Variants in DHX34 observed in about 807,000 individuals in gnomAD.
The protein encoded by DHX34 is probable ATP-dependent RNA helicase DHX34.
Under a neutral mutation model 111.1 loss-of-function variants are expected in DHX34, and 96 were observed. The observed-to-expected ratio is 0.86, with a 90% confidence interval of 0.73 to 1.02. The LOEUF (loss-of-function observed/expected upper bound fraction) is 1.02. Ranked by LOEUF, DHX34 falls within the 50% of genes least tolerant of loss-of-function variation. DHX34 has a pLI of 0.00. For synonymous variants in DHX34, 688 were observed against 670.4 expected (o/e 1.03, Z -0.41); for missense variants, 1,560 against 1,579.9 (o/e 0.99, Z 0.21).
rs77588459 is a variant in DHX34, at chr19:47,377,845, G to A, written c.2706+639G>A. On this transcript the variant is annotated intron_variant, in intron 13 of 16. Coordinates refer to ENST00000328771, the MANE Select transcript of DHX34 (RefSeq NM_014681.6). ...TGCTGCCCCGGTGGAGGCTGAGGCCGAACTCAGATCATGGATGCCCTTGCA... is the reference window on the plus strand; with the variant it reads ...TGCTGCCCCGGTGGAGGCTGAGGCCAAACTCAGATCATGGATGCCCTTGCA... Among the ~76,000 whole-genome samples the A allele has an allele frequency of 2.0e-3, 309 of 152,120 alleles. 1 individual carries two copies. The highest frequency in any genetic ancestry group is 6.8e-3 in the African/African-American group (282 of 41,528).
rs1200140198 is a variant in DHX34 at position 47,359,958 on chromosome 19, T to C, written c.1273-10T>C. Reference sequence around the variant, plus strand: ...TTAGTTCCTGACACCACCCCCTCCCTTCCTCCCAGGTATTTGATGTGGCAC... The same window carrying C: ...TTAGTTCCTGACACCACCCCCTCCCCTCCTCCCAGGTATTTGATGTGGCAC... On this transcript the variant is annotated splice_polypyrimidine_tract_variant and intron_variant, in intron 4 of 16. Coordinates refer to ENST00000328771, the MANE Select transcript of DHX34 (RefSeq NM_014681.6). 2 of 1,613,802 alleles carry C rather than the reference T, an allele frequency of 1.2e-6. No homozygotes were observed. The highest frequency in any genetic ancestry group is 1.7e-5 in the Admixed American group (1 of 59,992).
At position 47,372,856 on chromosome 19, in the gene DHX34, G is replaced by A. The variant is rs371463294; in HGVS notation, c.1895G>A (p.Arg632Gln). 1.7e-5 allele frequency: 27 copies of A among 1,611,618 alleles called. No homozygotes were observed. The highest frequency in any genetic ancestry group is 1.6e-4 in the Middle Eastern group (1 of 6,078). Residue 632 changes from arginine to glutamine, a missense_variant, in exon 8 of 17, where the codon CGG becomes CAG. Arg to Gln is a conservative substitution (Grantham distance 43). Transcript: ENST00000328771. ...AQSSPECAAARRPLESDQGDP... is the reference protein window; with the variant it reads ...AQSSPECAAAQRPLESDQGDP... The stretch of plus-strand genomic sequence containing the variant: ...AGCAGCCCAGAGTGCGCGGCAGCAC[G>A]GCGGCCGCTGGAGAGCGACCAGGGT...
chr19:47,373,470 C>A, intron 8 of DHX34, 129 bp from the exon 9 acceptor site: 1 of 1,457,580 alleles, frequency 6.9e-7, no homozygotes, highest in South Asian at 1.4e-5. Flanking sequence ...GGCACTGGGG[C>A]TGAGACCTGG....
Position 47,382,191 on chromosome 19 carries a change from G to T in DHX34, c.*78G>T. ...AGGACTAGGGGCAGGACTCTTGCCT[G>T]AACCCCCAGCCTGGGCTTAGCCCTG... On this transcript the variant is annotated 3_prime_UTR_variant, in exon 17 of 17. Coordinates refer to ENST00000328771, the MANE Select transcript of DHX34 (RefSeq NM_014681.6). 6.4e-7 allele frequency: 1 copy of T among 1,567,754 alleles called. No individual in the cohort carries two copies. The highest frequency in any genetic ancestry group is 1.2e-5 in the South Asian group (1 of 85,726).
intron 6 of DHX34, among the ~76,000 whole-genome samples, chr19:47,364,482 C>T (rs1395513171): frequency 6.6e-6 from 1 of 152,028 alleles, no homozygotes; most frequent in Non-Finnish European, 1.5e-5. Context: ...TGACTCATGC[C>T]TGTTATCCCA....
In DHX34 at chr19:47,380,889, C is replaced by G; in HGVS notation, c.3056C>G (p.Ala1019Gly). The change falls in exon 15 of 17, where the codon GCC becomes GGC. Residue 1019 changes from alanine (A) to glycine (G), a missense_variant. Physicochemically the swap from Ala to Gly is moderately conservative, Grantham distance 60. Coordinates refer to ENST00000328771, the MANE Select transcript of DHX34 (RefSeq NM_014681.6). Reference sequence around the variant, plus strand: ...TATGTGGGACCCCAGACCATCCCAGCCACCCCCCATCTTCCTGGCCTCTTT... The same window carrying G: ...TATGTGGGACCCCAGACCATCCCAGGCACCCCCCATCTTCCTGGCCTCTTT... ...NMYVGPQTIP[A>G]TPHLPGLFGS... The G allele has an allele frequency of 6.2e-7, 1 of 1,613,840 alleles. No individual in the cohort carries two copies. The highest frequency in any genetic ancestry group is 8.5e-7 in the Non-Finnish European group (1 of 1,179,874).
At chr19:47,372,299 G>T (rs778967952) in intron 7 of DHX34, among the ~76,000 whole-genome samples, 2 of 152,002 alleles carry the variant, frequency 1.3e-5, no homozygotes, top group Non-Finnish European at 2.9e-5. Context: ...GAGCTAGAGG[G>T]ACTCACTTAC....
chr19:47,364,693 G>A (rs1413229811), intron 6 of DHX34, among the ~76,000 whole-genome samples: 1 of 152,090 alleles, frequency 6.6e-6, no homozygotes, highest in African/African-American at 2.4e-5. Context: ...AGCCTTGATT[G>A]CATCACTGCA....
intron 13 of DHX34, among the ~76,000 whole-genome samples, chr19:47,378,051 C>T (rs1194034815): frequency 2.6e-5 from 4 of 152,142 alleles, no homozygotes; most frequent in East Asian, 1.9e-4. Context: ...AGTCACACAC[C>T]GAGCAGGTGG....
In DHX34 at chr19:47,382,043, G is replaced by A. The variant is rs1401826351; in HGVS notation, c.3362G>A (p.Cys1121Tyr). 6.2e-7 allele frequency: 1 copy of A among 1,614,000 alleles called. No homozygotes were observed. Among genetic ancestry groups the A allele is most frequent in the Non-Finnish European group, 8.5e-7 (1 of 1,180,002 alleles). The change falls in exon 17 of 17, where the codon TGC (cysteine) becomes TAC (tyrosine). Residue 1121 changes from cysteine (C) to tyrosine (Y), a missense_variant. By Grantham distance (194) the Cys-to-Tyr change is radical. Transcript: ENST00000328771. ...KTSVLQRPYHCEACGKDFLFT... is the reference protein window; with the variant it reads ...KTSVLQRPYHYEACGKDFLFT... ...TCTGTCCTGCAGAGGCCCTACCACT[G>A]CGAGGCCTGCGGGAAGGACTTCCTC... is the stretch of plus-strand genomic sequence containing the variant.
At chr19:47,365,279 T>C (rs927276208) in intron 6 of DHX34, among the ~76,000 whole-genome samples, 1 of 151,726 alleles carries the variant, frequency 6.6e-6, no homozygotes, top group Non-Finnish European at 1.5e-5. Flanking sequence ...TGGGACAGAG[T>C]CTCACTCTGT....
intron 1 of DHX34, among the ~76,000 whole-genome samples, chr19:47,349,680 C>T (rs1230959408): frequency 6.6e-6 from 1 of 152,044 alleles, no homozygotes; most frequent in African/African-American, 2.4e-5. Flanking sequence ...CGATGGGTTC[C>T]AGCGAGAGTC....
In DHX34 at chr19:47,379,848, C is replaced by T. The variant is rs142172787; in HGVS notation, c.2845C>T (p.Arg949Cys). 3,056 of 1,613,772 alleles carry T rather than the reference C, an allele frequency of 1.9e-3. 6 individuals are homozygous for T. The highest frequency in any genetic ancestry group is 2.4e-3 in the Non-Finnish European group (2,798 of 1,179,850). Residue 949 changes from arginine (R) to cysteine (C), a missense_variant, in exon 14 of 17, where the codon CGC becomes TGC. Coordinates refer to ENST00000328771, the MANE Select transcript of DHX34 (RefSeq NM_014681.6). ...GGCGGCTTCCCTGCGGCTCCGTGCCCGCTGGGAAAGTGCCCTGGACCGGCA... is the reference window on the plus strand; with the variant it reads ...GGCGGCTTCCCTGCGGCTCCGTGCCTGCTGGGAAAGTGCCCTGGACCGGCA... ...LLAASLRLRA[R>C]WESALDRQLA...
intron 6 of DHX34, among the ~76,000 whole-genome samples, chr19:47,364,578 G>GA: frequency 6.6e-6 from 1 of 151,908 alleles, no homozygotes; most frequent in Non-Finnish European, 1.5e-5. Flanking sequence ...CCTGACTCTA[G>GA]AAAAAATTTA....
chr19:47,358,189 TTG>T (rs1394739572), intron 4 of DHX34, 69 bp downstream of exon 4: 1 of 1,544,848 alleles, frequency 6.5e-7, no homozygotes, highest in Non-Finnish European at 8.8e-7. Flanking sequence ...CGCACAGGAC[TTG>T]TGTAACTCCA....
chr19:47,369,566 CA>C (rs773781869), intron 7 of DHX34, among the ~76,000 whole-genome samples: 14 of 152,166 alleles, frequency 9.2e-5, no homozygotes, highest in Middle Eastern at 3.2e-3. Context: ...GGGAGATGGA[CA>C]GGGGCAGATA....
Position 47,353,508 on chromosome 19 carries a change from G to A in DHX34, c.478G>A (p.Ala160Thr), listed in dbSNP as rs746602462. ...GRLAKLQRER[A>T]ALPIAQYGNR... ...TCTGGCCAAGCTGCAGCGTGAGCGG[G>A]CAGCCCTCCCCATCGCCCAGTATGG... Residue 160 changes from alanine (A) to threonine (T), a missense_variant, in exon 2 of 17, where the codon GCA (alanine) becomes ACA (threonine). By Grantham distance (58) the Ala-to-Thr change is moderately conservative. Transcript: ENST00000328771. The surrounding 1 kb of genome is among the most constrained non-coding windows in gnomAD (Gnocchi z 4.6). The A allele has an allele frequency of 6.2e-7, 1 of 1,613,822 alleles. No homozygotes were observed. The highest frequency in any genetic ancestry group is 1.7e-5 in the Admixed American group (1 of 60,014).
intron 5 of DHX34, among the ~76,000 whole-genome samples, chr19:47,361,171 G>A (rs576647564): frequency 1.7e-4 from 26 of 152,140 alleles, no homozygotes; most frequent in African/African-American, 5.3e-4. Flanking sequence ...ATGGCAGGCC[G>A]TCCCGGCTGG....
At chr19:47,377,677 CAT>C (rs564711478) in intron 13 of DHX34, among the ~76,000 whole-genome samples, 94 of 151,772 alleles carry the variant, frequency 6.2e-4, no homozygotes, top group African/African-American at 2.2e-3. Context: ...CCGAGGCAGA[CAT>C]GTGCCTGGCG....
Sources: gnomAD v4.1 joint callset for allele counts (sites outside exome capture counted in the v4.1 genomes callset) on GRCh38, gnomAD v4.1.1 for gene constraint, Gnocchi (gnomAD v3.1) non-coding constraint, MANE v1.5 for transcripts, NCBI Gene and HGNC (gene_info 2026-07-23, HGNC 2026-07-21) for gene names.